Variants in REEP1 observed in about 807,000 individuals in gnomAD.
The protein encoded by REEP1 is receptor expression-enhancing protein 1.
Under a neutral mutation model 40.3 loss-of-function variants are expected in REEP1, and 22 were observed. That is an observed-to-expected ratio of 0.55 (90% CI 0.39 to 0.78). The LOEUF (loss-of-function observed/expected upper bound fraction) is 0.78, where lower values mean the gene tolerates loss of function less well. Among genes scored for constraint, REEP1 ranks in the 30% least tolerant of loss-of-function variants. REEP1 has a pLI of 0.00. For missense variants in REEP1, 280 were observed against 361.1 expected (o/e 0.78, Z 1.82); for synonymous variants, 116 against 139.2 (o/e 0.83, Z 1.17).
intron 1 of REEP1, among the ~76,000 whole-genome samples, chr2:86,331,325 C>T (rs1680751743): frequency 6.6e-6 from 1 of 152,134 alleles, no homozygotes; most frequent in Non-Finnish European, 1.5e-5. Flanking sequence ...CATATCTAGG[C>T]CTGGGTCACA....
chr2:86,229,007 C>A (rs58141172), intron 6 of REEP1, among the ~76,000 whole-genome samples: 5,585 of 152,190 alleles, frequency 0.037, 141 homozygotes, highest in East Asian at 0.074. Flanking sequence ...CTGTGTGCAC[C>A]CTTAATCTGT....
chr2:86,337,742 G>T (rs1681123694), upstream of REEP1: 13 of 870,558 alleles, frequency 1.5e-5, no homozygotes, highest in Non-Finnish European at 1.7e-5. This position sits in a 1 kb window ranked among gnomAD's most constrained non-coding sequence, Gnocchi z 5.8. Context: ...GCGATTGGGC[G>T]GTGAGCTGGT....
upstream of REEP1, chr2:86,337,716 G>T: frequency 1.1e-6 from 1 of 941,954 alleles, no homozygotes; most frequent in Admixed American, 6.1e-5. The surrounding 1 kb of genome is among the most constrained non-coding windows in gnomAD (Gnocchi z 5.8). Flanking sequence ...GCCCCCCGGG[G>T]CTCGGCGGGC....
In REEP1 at chr2:86,254,739, GA is replaced by G; in HGVS notation, c.257del (p.Leu86ProfsTer41). On this transcript the variant is annotated frameshift_variant, in exon 4 of 9. Transcript: ENST00000538924. LOFTEE classifies it high-confidence loss of function. ...TGGGATGTACAAACTTCCTGTACAGGAGGCTGGAGCCTTTTGTGTAGGGAGA... is the reference window on the plus strand; with the variant it reads ...TGGGATGTACAAACTTCCTGTACAGGGGCTGGAGCCTTTTGTGTAGGGAGA... Reference protein sequence around the residue: ...LLSPYTKGSSLLYRKFVHPTL... With the variant: ...LLSPYTKGSSXLYRKFVHPTL... 1 of 1,613,720 alleles carries G rather than the reference GA, an allele frequency of 6.2e-7. No homozygotes were observed.
chr2:86,258,678 C>A (rs1044883830), intron 3 of REEP1, among the ~76,000 whole-genome samples: 1 of 152,220 alleles, frequency 6.6e-6, no homozygotes, highest in Non-Finnish European at 1.5e-5. Context: ...CCAACACAAT[C>A]CCCGCCAAGT....
intron 7 of REEP1, among the ~76,000 whole-genome samples, chr2:86,222,178 A>G (rs1015898446): frequency 6.6e-6 from 1 of 152,202 alleles, no homozygotes; most frequent in South Asian, 2.1e-4. Flanking sequence ...CACCATCATC[A>G]CTATAATCTC....
chr2:86,235,679 T>G (rs1559514), intron 5 of REEP1, among the ~76,000 whole-genome samples: 45,395 of 152,032 alleles, frequency 0.3, 8,391 homozygotes, highest in East Asian at 0.62. Context: ...GCAACATATG[T>G]GAGAGAAAGC....
intron 5 of REEP1, among the ~76,000 whole-genome samples, chr2:86,237,106 ACAT>A (rs1235994962): frequency 6.6e-6 from 1 of 152,214 alleles, no homozygotes; most frequent in Non-Finnish European, 1.5e-5. Context: ...TGCCGCCCTG[ACAT>A]CATTGTCAAC....
rs1448348688 is a variant in REEP1 at position 86,337,333 on chromosome 2, C to A, written c.32+146G>T. 1 of 448,110 alleles carries A rather than the reference C, an allele frequency of 2.2e-6. No individual in the cohort carries two copies. Among genetic ancestry groups the A allele is most frequent in the East Asian group, 4.6e-5 (1 of 21,696 alleles). 27.8% of individuals were successfully genotyped at this position (448,110 alleles called of 1,614,324 possible). On this transcript the variant is annotated intron_variant, in intron 1 of 8. Coordinates refer to ENST00000538924, the MANE Select transcript of REEP1 (RefSeq NM_001371279.1). The surrounding 1 kb of genome is among the most constrained non-coding windows in gnomAD (Gnocchi z 5.8). ...CCGCCCGTCCGCCCGCAGGCGTCCT[C>A]GGCGGCTACTGTACCTGCTAAATTT...
intron 2 of REEP1, 44 bp downstream of exon 2, chr2:86,282,126 C>G (rs1260932480): frequency 7.2e-7 from 1 of 1,380,960 alleles, no homozygotes. Flanking sequence ...TCACACCTGA[C>G]CTGACTCCAG....
chr2:86,241,668 C>T (rs894643454), intron 5 of REEP1, among the ~76,000 whole-genome samples: 3 of 152,126 alleles, frequency 2.0e-5, no homozygotes, highest in East Asian at 1.9e-4. Flanking sequence ...ACCCTGGTGC[C>T]GATCACAGCT....
At chr2:86,273,360 C>A (rs57137376) in intron 2 of REEP1, among the ~76,000 whole-genome samples, 10,042 of 150,830 alleles carry the variant, frequency 0.067, 513 homozygotes, top group African/African-American at 0.13. Context: ...ACACAGCTCA[C>A]TGCAGTCTCG....
Position 86,275,660 on chromosome 2 carries a change from A to G in REEP1, c.105+6510T>C, listed in dbSNP as rs188236916. 1.9e-4 allele frequency among the ~76,000 whole-genome samples: 29 copies of G among 152,200 alleles called. No homozygotes were observed. The East Asian group carries it at 3.9e-3, about 20-fold the overall frequency. On this transcript the variant is annotated intron_variant, in intron 2 of 8. Transcript: ENST00000538924. Reference sequence around the variant, plus strand: ...CCTTACCTTTCTCACAGAAACCACAATGAAGGCCACTGCCCACGTTTCCCA... The same window carrying G: ...CCTTACCTTTCTCACAGAAACCACAGTGAAGGCCACTGCCCACGTTTCCCA...
intron 7 of REEP1, among the ~76,000 whole-genome samples, chr2:86,220,707 G>GT (rs5832673): frequency 4.6e-4 from 67 of 145,974 alleles, no homozygotes; most frequent in East Asian, 1.4e-3. Context: ...TTTTTTGTTT[G>GT]TTTTTTTTTT....
intron 7 of REEP1, among the ~76,000 whole-genome samples, chr2:86,227,100 C>T (rs143792753): frequency 8.5e-4 from 130 of 152,316 alleles, no homozygotes; most frequent in African/African-American, 3.0e-3. Flanking sequence ...TCAAGCCCTC[C>T]GATAACTCAG....
intron 1 of REEP1, among the ~76,000 whole-genome samples, chr2:86,323,743 C>T (rs1680379569): frequency 6.6e-6 from 1 of 152,162 alleles, no homozygotes; most frequent in Non-Finnish European, 1.5e-5. Context: ...GGGGAACTTG[C>T]CACGCCAGAC....
chr2:86,215,545 ATAT>A lies in REEP1; in HGVS notation c.*1491_*1493del, dbSNP rs1446409044. ...ATATCTACGAACAAATACAATCCAAATATTATGAGTAACTGGGTTGTGACCACT... is the reference window on the plus strand; with the variant it reads ...ATATCTACGAACAAATACAATCCAAATATGAGTAACTGGGTTGTGACCACT... On this transcript the variant is annotated 3_prime_UTR_variant, in exon 9 of 9. Transcript: ENST00000538924. 6.6e-6 allele frequency: 1 copy of A among 152,608 alleles called. No homozygotes were observed. Among genetic ancestry groups the A allele is most frequent in the Non-Finnish European group, 1.5e-5 (1 of 68,040 alleles). 9.5% of individuals were successfully genotyped at this position (152,608 alleles called of 1,614,324 possible). A position where few individuals can be genotyped will look rare whatever the true frequency, so the allele number is the denominator to read the frequency against.
chr2:86,225,717 G>A (rs1031128980), intron 7 of REEP1, among the ~76,000 whole-genome samples: 10 of 152,212 alleles, frequency 6.6e-5, no homozygotes, highest in Non-Finnish European at 1.3e-4. Context: ...TCATGCCTCC[G>A]CGGCACCAGG....
chr2:86,245,049 G>A (rs1675859502), intron 5 of REEP1, among the ~76,000 whole-genome samples: 1 of 152,214 alleles, frequency 6.6e-6, no homozygotes, highest in Non-Finnish European at 1.5e-5. Context: ...GGGAGGCTGA[G>A]GCAGGGAGAA....
Sources: allele counts gnomAD v4.1 joint callset (sites outside exome capture counted in the v4.1 genomes callset), GRCh38; gene constraint gnomAD v4.1.1; non-coding constraint Gnocchi (gnomAD v3.1); transcripts MANE v1.5; gene names NCBI Gene and HGNC (gene_info 2026-07-23, HGNC 2026-07-21).